Variants in PCDHAC1 observed in about 807,000 individuals in gnomAD.
PCDHAC1 encodes protocadherin alpha subfamily C, 1.
A neutral mutation model predicts 60.0 loss-of-function variants in PCDHAC1; 42 were observed. The observed-to-expected ratio is 0.70, with a 90% CI of 0.55 to 0.90. PCDHAC1 has a LOEUF of 0.90. PCDHAC1 is among the 40% of genes least tolerant of loss of function. PCDHAC1 has a pLI of 0.00. For synonymous variants in PCDHAC1, 468 were observed against 499.3 expected, an observed-to-expected ratio of 0.94 and a Z score of 0.84; for missense variants, 1,160 against 1,222.3, an observed-to-expected ratio of 0.95 and a Z score of 0.76.
intron 3 of PCDHAC1, among the ~76,000 whole-genome samples, chr5:140,985,739 CTT>C (rs11372071): frequency 4.2e-4 from 50 of 117,920 alleles, no homozygotes; most frequent in Middle Eastern, 4.8e-3. Context: ...TGATGAATTC[CTT>C]TTTTTTTTTT....
intron 3 of PCDHAC1, among the ~76,000 whole-genome samples, chr5:141,007,733 C>A (rs2098343034): frequency 6.6e-6 from 1 of 152,180 alleles, no homozygotes; most frequent in African/African-American, 2.4e-5. Flanking sequence ...CAAAGGTTAA[C>A]CACTGAAGAT....
intron 3 of PCDHAC1, among the ~76,000 whole-genome samples, chr5:140,992,102 G>A (rs1205417295): frequency 6.6e-6 from 1 of 150,914 alleles, no homozygotes; most frequent in Non-Finnish European, 1.5e-5. Context: ...AGAGAATTAA[G>A]GTGAGATGTG....
intron 1 of PCDHAC1, among the ~76,000 whole-genome samples, chr5:140,951,423 C>T (rs1324305371): frequency 6.6e-6 from 1 of 152,014 alleles, no homozygotes; most frequent in Non-Finnish European, 1.5e-5. Flanking sequence ...CTCACAGTTC[C>T]ACAGGCTGTA....
rs1247156816 is a variant in PCDHAC1, at chr5:140,929,147, A to G, written c.2255A>G (p.Gln752Arg). The G allele has an allele frequency of 6.2e-7, 1 of 1,614,062 alleles. No homozygotes were observed. Among genetic ancestry groups the G allele is most frequent in the Non-Finnish European group, 8.5e-7 (1 of 1,180,040 alleles). Residue 752 changes from glutamine to arginine, a missense_variant, in exon 1 of 4, where the codon CAG becomes CGG. Around this residue, in one of 3 missense-constraint regions of PCDHAC1, gnomAD observed 1,113 missense variants for 1,163.7 expected, o/e 0.96. Transcript: ENST00000253807. ...GTCACTACAGTTGAGAGACTTTCTC[A>G]GACTTATCTCTATCGGGCCTCTCTG... ...IDVTTVERLS[Q>R]TYLYRASLGL... is the part of the protein sequence containing the mutation.
At chr5:140,966,617 A>G (rs1169791623) in intron 1 of PCDHAC1, 8 of 785,216 alleles carry the variant, frequency 1.0e-5, no homozygotes, top group African/African-American at 1.8e-5. Flanking sequence ...GGGCCTACGG[A>G]GGGAGCGGCC....
intron 3 of PCDHAC1, among the ~76,000 whole-genome samples, chr5:140,999,748 G>A (rs1563643254): frequency 1.3e-5 from 2 of 152,188 alleles, no homozygotes; most frequent in South Asian, 2.1e-4. Flanking sequence ...ATCTGGGTTC[G>A]CAGCACATGA....
At chr5:140,985,832 C>T (rs760290757) in intron 3 of PCDHAC1, among the ~76,000 whole-genome samples, 4 of 151,378 alleles carry the variant, frequency 2.6e-5, no homozygotes, top group African/African-American at 4.9e-5. Flanking sequence ...CTCTGCCTCC[C>T]GGGTTCATGC....
At chr5:140,936,291 A>G (rs996685658) in intron 1 of PCDHAC1, among the ~76,000 whole-genome samples, 2 of 152,174 alleles carry the variant, frequency 1.3e-5, no homozygotes, top group African/African-American at 4.8e-5. Flanking sequence ...CTTCTATAAC[A>G]TTGCTATCCA....
chr5:140,946,561 T>C (rs1193170794), intron 1 of PCDHAC1, among the ~76,000 whole-genome samples: 1 of 148,756 alleles, frequency 6.7e-6, no homozygotes, highest in Non-Finnish European at 1.5e-5. Context: ...AGTTCAGATA[T>C]AGAATCAACT....
chr5:140,987,078 G>T (rs1158243032), intron 3 of PCDHAC1, among the ~76,000 whole-genome samples: 4 of 152,026 alleles, frequency 2.6e-5, no homozygotes, highest in Non-Finnish European at 5.9e-5. Context: ...GCTGGGCGTG[G>T]TGGCAGGTGC....
intron 3 of PCDHAC1, among the ~76,000 whole-genome samples, chr5:140,996,886 T>C (rs1396322934): frequency 6.6e-6 from 1 of 152,218 alleles, no homozygotes; most frequent in Non-Finnish European, 1.5e-5. Context: ...TATTTTTAAA[T>C]AAAATAGAAT....
chr5:140,992,235 G>A (rs1272038759), intron 3 of PCDHAC1, among the ~76,000 whole-genome samples: 7 of 152,154 alleles, frequency 4.6e-5, no homozygotes, highest in African/African-American at 1.7e-4. Flanking sequence ...GGAAGAGTAA[G>A]GAAGGAAGTA....
chr5:141,005,659 G>A (rs963015988), intron 3 of PCDHAC1, among the ~76,000 whole-genome samples: 2 of 123,926 alleles, frequency 1.6e-5, no homozygotes, highest in South Asian at 2.6e-4. Flanking sequence ...TCGAGATCGC[G>A]CCACTGCACT....
At chr5:141,000,410 TATATATATATA>T (rs1554257433) in intron 3 of PCDHAC1, among the ~76,000 whole-genome samples, 1 of 101,972 alleles carries the variant, frequency 9.8e-6, no homozygotes, top group Non-Finnish European at 2.0e-5. Context: ...TATATATATA[TATATATATATA>T]TTTTTTTTTT....
At chr5:141,003,123 T>C (rs1387983867) in intron 3 of PCDHAC1, among the ~76,000 whole-genome samples, 1 of 152,240 alleles carries the variant, frequency 6.6e-6, no homozygotes, top group Non-Finnish European at 1.5e-5. Flanking sequence ...GGCCCTTTCC[T>C]GGCATTTGCC....
Position 140,927,357 on chromosome 5 carries a change from C to A in PCDHAC1, c.465C>A (p.Ser155Arg). The A allele has an allele frequency of 6.2e-7, 1 of 1,614,052 alleles. No homozygotes were observed. The highest frequency in any genetic ancestry group is 1.1e-5 in the South Asian group (1 of 91,080). Residue 155 changes from serine to arginine, a missense_variant, in exon 1 of 4, where the codon AGC becomes AGA. Transcript: ENST00000253807. ...ATGCCCAAGATGACGACGAGGGAAG[C>A]AATGGGATACTAAGCTACAGCCTAA... Reference protein sequence around the residue: ...LPNAQDDDEGSNGILSYSLSP... With the variant: ...LPNAQDDDEGRNGILSYSLSP...
intron 3 of PCDHAC1, among the ~76,000 whole-genome samples, chr5:140,994,916 G>C (rs191112964): frequency 2.0e-5 from 3 of 152,332 alleles, no homozygotes; most frequent in Admixed American, 1.3e-4. Context: ...ACTGGAATCA[G>C]ATTTTGTAGG....
intron 1 of PCDHAC1, among the ~76,000 whole-genome samples, chr5:140,941,215 C>CTT (rs782548958): frequency 1.2e-4 from 13 of 104,510 alleles, no homozygotes; most frequent in African/African-American, 4.4e-4. Flanking sequence ...TTCTTTCTTC[C>CTT]TTTCTTTCTT....
chr5:141,005,335 G>A, intron 3 of PCDHAC1, among the ~76,000 whole-genome samples: 1 of 152,148 alleles, frequency 6.6e-6, no homozygotes, highest in Middle Eastern at 3.2e-3. Context: ...ATAGGCCAAG[G>A]GGGTGCTGCT....
Sources: allele counts gnomAD v4.1 joint callset (sites outside exome capture counted in the v4.1 genomes callset), GRCh38; gene constraint gnomAD v4.1.1; regional missense constraint gnomAD v4.1.1; transcripts MANE v1.5; gene names NCBI Gene and HGNC (gene_info 2026-07-23, HGNC 2026-07-21).